The following HMOX1 variants were observed in gnomAD, a reference collection of about 807,000 sequenced individuals.
HMOX1 encodes heme oxygenase 1, also known as heat shock protein, 32-kD.
HMOX1 carries 22 observed loss-of-function variants against 27.8 expected under a neutral mutation model. The observed-to-expected ratio is 0.79, with a 90% confidence interval of 0.57 to 1.13. The LOEUF (loss-of-function observed/expected upper bound fraction) is 1.13. Among genes scored for constraint, HMOX1 ranks in the 50% most tolerant of loss-of-function variants. The pLI, the probability that HMOX1 is intolerant of heterozygous loss-of-function variation, is 0.00. For missense variants in HMOX1, 379 were observed against 377.7 expected (o/e 1.00, Z -0.03); for synonymous variants, 153 against 151.6 (o/e 1.01, Z -0.07).
At position 35,389,914 on chromosome 22, in the gene HMOX1, C is replaced by A; in HGVS notation, c.687C>A (p.Ser229Arg). Residue 229 changes from serine to arginine, a missense_variant, in exon 4 of 5, where the codon AGC becomes AGA. Ser to Arg is a moderately radical substitution (Grantham distance 110, BLOSUM62 -1). Transcript: ENST00000216117. ...TGACCCATGACACCAAGGACCAGAG[C>A]CCCTCACGGGCACCAGGGCTTCGCC... ...ELLTHDTKDQ[S>R]PSRAPGLRQR... 6.2e-7 allele frequency: 1 copy of A among 1,612,142 alleles called. No individual in the cohort carries two copies. Among genetic ancestry groups the A allele is most frequent in the Admixed American group, 1.7e-5 (1 of 59,900 alleles).
intron 4 of HMOX1, among the ~76,000 whole-genome samples, chr22:35,391,223 A>C (rs1931710478): frequency 6.6e-6 from 1 of 152,094 alleles, no homozygotes; most frequent in Admixed American, 6.6e-5. Flanking sequence ...GGGAGGTGGT[A>C]ATCCTAGTAT....
intron 2 of HMOX1, 110 bp downstream of exon 2, chr22:35,383,336 T>C: frequency 1.7e-6 from 2 of 1,196,892 alleles, no homozygotes; most frequent in Non-Finnish European, 2.4e-6. Context: ...GATGGGCATG[T>C]CCAATAGAAT....
chr22:35,394,139 G>C lies in HMOX1; in HGVS notation c.*541G>C. ...TGAGCCATGCGTGGGTGGGGAGGGA[G>C]GTGTTTAACGGCACTGTGGCCTTGG... On this transcript the variant is annotated 3_prime_UTR_variant, in exon 5 of 5. Coordinates refer to ENST00000216117, the MANE Select transcript of HMOX1 (RefSeq NM_002133.3). The C allele has an allele frequency of 5.4e-6, 1 of 186,576 alleles. No individual in the cohort carries two copies. The highest frequency in any genetic ancestry group is 1.1e-5 in the Non-Finnish European group (1 of 87,296). The allele number at this position is 186,576 out of a possible 1,614,324, so 11.6% of individuals were successfully genotyped here.
At chr22:35,381,863 CTT>C (rs1387748999) in intron 1 of HMOX1, among the ~76,000 whole-genome samples, 3 of 151,830 alleles carry the variant, frequency 2.0e-5, no homozygotes, top group Non-Finnish European at 2.9e-5. Flanking sequence ...TCTCCTGAGA[CTT>C]TGACCAGCTG....
chr22:35,390,305 C>T (rs1271523680), intron 4 of HMOX1: 1 of 346,942 alleles, frequency 2.9e-6, no homozygotes, highest in African/African-American at 2.1e-5. Flanking sequence ...CTCACTGCAA[C>T]CTCTGCCTCC....
chr22:35,381,942 T>C (rs1931395919), intron 1 of HMOX1, among the ~76,000 whole-genome samples: 1 of 152,104 alleles, frequency 6.6e-6, no homozygotes, highest in African/African-American at 2.4e-5. Flanking sequence ...GAGGCAGGGA[T>C]ACGGACCCAT....
chr22:35,391,852 G>A (rs1569058808), intron 4 of HMOX1, among the ~76,000 whole-genome samples: 1 of 151,424 alleles, frequency 6.6e-6, no homozygotes, highest in Non-Finnish European at 1.5e-5. Context: ...ATTTTCCAAA[G>A]GTTATGTGAC....
In HMOX1 at chr22:35,393,625, A is replaced by G. The variant is rs1239513778; in HGVS notation, c.*27A>G. 5.0e-6 allele frequency: 8 copies of G among 1,613,876 alleles called. No individual in the cohort carries two copies. Among genetic ancestry groups the G allele is most frequent in the Non-Finnish European group, 6.8e-6 (8 of 1,179,804 alleles). ...TGCAGGCATGCTGGCTCCCAGGGCC[A>G]TGAACTTTGTCCGGTGGAAGGCCTT... On this transcript the variant is annotated 3_prime_UTR_variant, in exon 5 of 5. Coordinates refer to ENST00000216117, the MANE Select transcript of HMOX1 (RefSeq NM_002133.3).
rs184945027 is a variant in HMOX1, at chr22:35,383,655, C to T, written c.144+429C>T. On this transcript the variant is annotated intron_variant, in intron 2 of 4. Coordinates refer to ENST00000216117, the MANE Select transcript of HMOX1 (RefSeq NM_002133.3). ...GCCTTGTACTCCTTGTATTTCAGAG[C>T]TTGTACTCCTGATCTAACTCGAATT... Among the ~76,000 whole-genome samples the T allele has an allele frequency of 9.2e-5, 14 of 152,284 alleles. No individual in the cohort carries two copies. The East Asian group carries it at 2.7e-3, about 29-fold the overall frequency.
intron 2 of HMOX1, among the ~76,000 whole-genome samples, chr22:35,386,207 C>T (rs1405107432): frequency 2.0e-5 from 3 of 152,132 alleles, no homozygotes; most frequent in Non-Finnish European, 4.4e-5. Flanking sequence ...CCTCCCGCCT[C>T]GGCCTCCCAA....
intron 3 of HMOX1, among the ~76,000 whole-genome samples, chr22:35,388,809 C>A (rs56340295): frequency 0.034 from 5,030 of 146,390 alleles, 105 homozygotes; most frequent in Middle Eastern, 0.064. Context: ...AAACAAAAAA[C>A]AAACAAAAAA....
intron 2 of HMOX1, among the ~76,000 whole-genome samples, chr22:35,384,771 T>A (rs567406468): frequency 6.7e-6 from 1 of 148,778 alleles, no homozygotes; most frequent in Admixed American, 6.8e-5. Flanking sequence ...CCATCTAGTA[T>A]GTGGCAGGTG....
chr22:35,387,281 G>T, intron 3 of HMOX1, 105 bp downstream of exon 3: 1 of 1,378,194 alleles, frequency 7.3e-7, no homozygotes, highest in Non-Finnish European at 1.0e-6. Context: ...TTAACACAGG[G>T]AACCAGAGTT....
chr22:35,389,437 TTTC>T (rs1569057788), intron 3 of HMOX1, among the ~76,000 whole-genome samples: 8 of 118,648 alleles, frequency 6.7e-5, no homozygotes, highest in Admixed American at 1.6e-4. Flanking sequence ...TCTATCTTTC[TTTC>T]TTTCTTTCTT....
In HMOX1 at chr22:35,386,857, C is replaced by T. The variant is rs9282702; in HGVS notation, c.317C>T (p.Pro106Leu). The change falls in exon 3 of 5, where the codon CCC becomes CTC. Residue 106 changes from proline (P) to leucine (L), a missense_variant. Pro to Leu is a moderately conservative substitution (Grantham distance 98). Transcript: ENST00000216117. ...GGGCCCCGCTGGCAGGAGGTCATCC[C>T]CTACACACCAGCCATGCAGCGCTAT... ...WYGPRWQEVI[P>L]YTPAMQRYVK... 1 of 1,614,168 alleles carries T rather than the reference C, an allele frequency of 6.2e-7. No homozygotes were observed.
At chr22:35,382,872 G>A (rs17881147) in intron 1 of HMOX1, among the ~76,000 whole-genome samples, 2,717 of 152,128 alleles carry the variant, frequency 0.018, 85 homozygotes, top group African/African-American at 0.061. Flanking sequence ...TTGCCAGGCT[G>A]GTCTCGAACT....
At chr22:35,387,287 G>A in intron 3 of HMOX1, 111 bp downstream of exon 3, 1 of 1,312,134 alleles carries the variant, frequency 7.6e-7, no homozygotes, top group South Asian at 1.2e-5. Flanking sequence ...CAGGGAACCA[G>A]AGTTCCAGCA....
chr22:35,388,029 C>T (rs1376553196), intron 3 of HMOX1, among the ~76,000 whole-genome samples: 4 of 152,028 alleles, frequency 2.6e-5, no homozygotes, highest in African/African-American at 4.8e-5. Flanking sequence ...TTTGGGAAGC[C>T]GAGGTGGGCG....
intron 3 of HMOX1, among the ~76,000 whole-genome samples, chr22:35,389,226 T>TTTC (rs1931593747): frequency 7.8e-6 from 1 of 127,972 alleles, no homozygotes; most frequent in Non-Finnish European, 1.6e-5. Flanking sequence ...TCTTTCTTTC[T>TTTC]TTCTTTCTTT....
Sources: allele counts gnomAD v4.1 joint callset (sites outside exome capture counted in the v4.1 genomes callset), GRCh38; gene constraint gnomAD v4.1.1; transcripts MANE v1.5; gene names NCBI Gene and HGNC (gene_info 2026-07-23, HGNC 2026-07-21).